ADAM22: variants seen among roughly 807,000 people sequenced by gnomAD.
ADAM22 encodes the protein disintegrin and metalloproteinase domain-containing protein 22.
In ADAM22, 65 loss-of-function variants were observed where a neutral mutation model predicts 144.6. The observed-to-expected ratio is 0.45, with a 90% CI of 0.37 to 0.55. The LOEUF is 0.55. Ranked by LOEUF, ADAM22 falls within the 20% of genes least tolerant of loss-of-function variation. The pLI is 0.00. For synonymous variants in ADAM22, 391 were observed against 412.6 expected, an observed-to-expected ratio of 0.95 and a Z score of 0.63; for missense variants, 974 against 1,184.9, an observed-to-expected ratio of 0.82 and a Z score of 2.61.
At chr7:88,139,458 A>ATAAT (rs60054504) in intron 14 of ADAM22, among the ~76,000 whole-genome samples, 1 of 151,740 alleles carries the variant, frequency 6.6e-6, no homozygotes, top group African/African-American at 2.4e-5. Flanking sequence ...AAATAAATAA[A>ATAAT]AGGAGGGGCT....
intron 2 of ADAM22, among the ~76,000 whole-genome samples, chr7:87,951,178 C>T (rs1216445875): frequency 6.7e-6 from 1 of 149,200 alleles, no homozygotes; most frequent in Non-Finnish European, 1.5e-5. Context: ...CTTTTGTTGC[C>T]GTTGCTTTTG....
At chr7:88,051,556 TG>T (rs1273774201) in intron 3 of ADAM22, among the ~76,000 whole-genome samples, 3 of 125,120 alleles carry the variant, frequency 2.4e-5, no homozygotes, top group Non-Finnish European at 5.0e-5. Flanking sequence ...TGTTGTGGGG[TG>T]GGGGGAGGAG....
At position 88,143,135 on chromosome 7, in the gene ADAM22, G is replaced by A. The variant is rs749877243; in HGVS notation, c.1320+10G>A. On this transcript the variant is annotated intron_variant, in intron 15 of 31. Coordinates refer to ENST00000413139, the MANE Select transcript of ADAM22 (RefSeq NM_001324418.2). ...CAACAAACCTTCTAAGGTAATAAGT[G>A]TGGTTAATAAGGTTTATAATATTAA... The A allele has an allele frequency of 3.9e-6, 6 of 1,546,530 alleles. No homozygotes were observed. Among genetic ancestry groups the A allele is most frequent in the Non-Finnish European group, 3.6e-6 (4 of 1,121,560 alleles).
intron 3 of ADAM22, among the ~76,000 whole-genome samples, chr7:88,004,657 C>G (rs1039799137): frequency 1.2e-4 from 19 of 152,148 alleles, no homozygotes; most frequent in African/African-American, 3.9e-4. Context: ...GGCCAGAAAA[C>G]TGAAAAATTT....
At chr7:88,014,992 A>G (rs1044379789) in intron 3 of ADAM22, among the ~76,000 whole-genome samples, 1 of 152,230 alleles carries the variant, frequency 6.6e-6, no homozygotes, top group Non-Finnish European at 1.5e-5. Flanking sequence ...CAGAGCCATG[A>G]CGCCGTATGC....
intron 2 of ADAM22, among the ~76,000 whole-genome samples, chr7:87,958,925 T>C (rs1392896431): frequency 6.6e-6 from 1 of 152,192 alleles, no homozygotes; most frequent in Non-Finnish European, 1.5e-5. Context: ...TATTTATCTT[T>C]TAGTTTATGG....
intron 3 of ADAM22, among the ~76,000 whole-genome samples, chr7:88,016,399 A>C (rs1796546467): frequency 6.6e-6 from 1 of 152,216 alleles, no homozygotes; most frequent in Non-Finnish European, 1.5e-5. Flanking sequence ...CTAGAGACTG[A>C]AATCTGAGTC....
chr7:88,191,390 A>G (rs942273134), intron 30 of ADAM22, among the ~76,000 whole-genome samples: 20 of 152,256 alleles, frequency 1.3e-4, no homozygotes, highest in African/African-American at 4.8e-4. Context: ...CTTGTTTTGC[A>G]TGATCCCCTA....
intron 3 of ADAM22, among the ~76,000 whole-genome samples, chr7:87,987,448 G>A (rs186016900): frequency 2.6e-4 from 40 of 152,148 alleles, no homozygotes; most frequent in Admixed American, 4.6e-4. Flanking sequence ...CAAAGTGCTG[G>A]GATTACAGGC....
intron 7 of ADAM22, among the ~76,000 whole-genome samples, chr7:88,119,397 T>G (rs548713588): frequency 9.2e-5 from 14 of 152,346 alleles, no homozygotes; most frequent in Non-Finnish European, 1.9e-4. Context: ...CAGCTTCTTT[T>G]GTTTAGCACA....
At chr7:87,948,039 C>T (rs1213465977) in intron 2 of ADAM22, among the ~76,000 whole-genome samples, 1 of 152,126 alleles carries the variant, frequency 6.6e-6, no homozygotes, top group African/African-American at 2.4e-5. Context: ...TGTTTCTTCT[C>T]TTTTTTCTTC....
intron 14 of ADAM22, 24 bp downstream of exon 14, chr7:88,136,055 A>G (rs1403896808): frequency 1.2e-6 from 2 of 1,608,588 alleles, no homozygotes; most frequent in Non-Finnish European, 1.7e-6. Context: ...ATTTGAAAAT[A>G]ACTCAGTCTT....
At chr7:88,171,632 C>T in intron 26 of ADAM22, 71 bp downstream of exon 26, 1 of 1,313,756 alleles carries the variant, frequency 7.6e-7, no homozygotes, top group Non-Finnish European at 1.0e-6. Context: ...GGAATTCATA[C>T]ATGCAATTAT....
chr7:87,968,775 A>G (rs1299758584), intron 2 of ADAM22, among the ~76,000 whole-genome samples: 2 of 152,360 alleles, frequency 1.3e-5, no homozygotes, highest in Middle Eastern at 3.4e-3. Flanking sequence ...TTACACTGCT[A>G]TAACGAAATA....
chr7:88,100,855 G>C (rs886610966), intron 4 of ADAM22, among the ~76,000 whole-genome samples: 2 of 151,954 alleles, frequency 1.3e-5, no homozygotes, highest in Non-Finnish European at 2.9e-5. Context: ...AGTAAAGATT[G>C]GAGGAGGGCA....
chr7:88,039,464 A>AATATATATATATATATAT (rs1554420479), intron 3 of ADAM22, among the ~76,000 whole-genome samples: 8 of 76,360 alleles, frequency 1.0e-4, no homozygotes, highest in African/African-American at 1.9e-4. Context: ...AAAAAAAAAA[A>AATATATATATATATATAT]ATATATATAT....
At chr7:87,971,712 C>A (rs925805957) in intron 2 of ADAM22, among the ~76,000 whole-genome samples, 2 of 152,184 alleles carry the variant, frequency 1.3e-5, no homozygotes, top group Non-Finnish European at 2.9e-5. Context: ...AAAGGAAATT[C>A]TTGGTATTAT....
At chr7:88,070,021 G>T (rs1585415791) in intron 3 of ADAM22, among the ~76,000 whole-genome samples, 1 of 151,996 alleles carries the variant, frequency 6.6e-6, no homozygotes, top group African/African-American at 2.4e-5. Flanking sequence ...AAATGTGCCG[G>T]GCTTTAAGCT....
chr7:88,033,669 A>C (rs1422827972), intron 3 of ADAM22, among the ~76,000 whole-genome samples: 9 of 152,186 alleles, frequency 5.9e-5, no homozygotes, highest in Admixed American at 5.9e-4. Flanking sequence ...GTGGGTCCAG[A>C]GATACCATCT....
Sources: allele counts gnomAD v4.1 joint callset (sites outside exome capture counted in the v4.1 genomes callset), GRCh38; gene constraint gnomAD v4.1.1; transcripts MANE v1.5; gene names NCBI Gene and HGNC (gene_info 2026-07-23, HGNC 2026-07-21).